The following NCBP1 variants were observed in gnomAD, a reference collection of about 807,000 sequenced individuals.
The protein encoded by NCBP1 is nuclear cap-binding protein subunit 1.
NCBP1 carries 16 observed loss-of-function variants against 111.7 expected under a neutral mutation model. The observed-to-expected ratio is 0.14, with a 90% CI of 0.10 to 0.22. NCBP1 has a LOEUF of 0.22. NCBP1 is among the 10% of genes least tolerant of loss of function. NCBP1 has a pLI of 1.00. For synonymous variants in NCBP1, 304 were observed against 314.3 expected, an observed-to-expected ratio of 0.97 and a Z score of 0.35; for missense variants, 607 against 957.5, an observed-to-expected ratio of 0.63 and a Z score of 4.83.
intron 14 of NCBP1, among the ~76,000 whole-genome samples, chr9:97,657,885 G>GCGCTCTCTCTCTCTCT (rs1554694967): frequency 4.4e-5 from 5 of 114,018 alleles, no homozygotes; most frequent in African/African-American, 1.8e-4. Context: ...GCCCCGGTAA[G>GCGCTCTCTCTCTCTCT]CTCTCTCTCT....
intron 5 of NCBP1, 46 bp from the exon 6 acceptor site, chr9:97,645,565 T>TATAATTAAAGC: frequency 1.3e-6 from 2 of 1,553,580 alleles, no homozygotes; most frequent in Non-Finnish European, 1.8e-6. Context: ...TATGAATGAA[T>TATAATTAAAGC]ATAATTAAAG....
At chr9:97,668,724 A>G in intron 20 of NCBP1, 122 bp from the exon 21 acceptor site, 1 of 1,061,610 alleles carries the variant, frequency 9.4e-7, no homozygotes, top group Non-Finnish European at 1.3e-6. Flanking sequence ...GTGGGGGGGT[A>G]CTTTCACTAT....
Position 97,657,923 on chromosome 9 carries a change from TATA to T in NCBP1, c.1374-716_1374-714del, listed in dbSNP as rs1210564456. ...CTCTCTCTCTATATATATATATATA[TATA>T]TTTTTTTTTTTTTTTTTAACGTCCC... On this transcript the variant is annotated intron_variant, in intron 14 of 22. Transcript: ENST00000375147. Among the ~76,000 whole-genome samples, 632 of 115,972 alleles carry T rather than the reference TATA, an allele frequency of 5.4e-3. 4 individuals carry two copies. The highest frequency in any genetic ancestry group is 0.02 in the African/African-American group (510 of 25,402). 76.1% of individuals were successfully genotyped at this position (115,972 alleles called of 152,430 possible).
chr9:97,653,727 T>C (rs1200830517), intron 10 of NCBP1, 71 bp from the exon 11 acceptor site: 2 of 1,113,648 alleles, frequency 1.8e-6, no homozygotes, highest in Non-Finnish European at 2.7e-6. Context: ...AGATTTAGAA[T>C]GTTAAGGTCT....
intron 6 of NCBP1, among the ~76,000 whole-genome samples, chr9:97,646,948 T>G (rs1827359509): frequency 6.6e-6 from 1 of 151,784 alleles, no homozygotes; most frequent in Non-Finnish European, 1.5e-5. Context: ...CTTGGCTTTT[T>G]TTTTTTTTCT....
rs547807455 is a variant in NCBP1, at chr9:97,667,470, C to T, written c.2016+593C>T. 4.6e-5 allele frequency among the ~76,000 whole-genome samples: 7 copies of T among 152,254 alleles called. No homozygotes were observed. In the South Asian group the frequency reaches 1.2e-3, roughly 27 times the overall value. ...AGGAACCTTTCGCAAGTTTGAGTAC[C>T]AGTCTCCATGTAGACATACCTGTAT... On this transcript the variant is annotated intron_variant, in intron 20 of 22. Transcript: ENST00000375147.
chr9:97,660,918 T>A (rs753013996), intron 15 of NCBP1, 28 bp from the exon 16 acceptor site: 8 of 1,591,030 alleles, frequency 5.0e-6, no homozygotes, highest in Non-Finnish European at 6.8e-6. Flanking sequence ...TGATCTGTCA[T>A]TCCCCTTACC....
intron 6 of NCBP1, among the ~76,000 whole-genome samples, chr9:97,646,928 C>T (rs1321814918): frequency 6.8e-6 from 1 of 147,314 alleles, no homozygotes; most frequent in Non-Finnish European, 1.5e-5. Context: ...AATATACACA[C>T]TGTTCTTCAC....
intron 20 of NCBP1, among the ~76,000 whole-genome samples, chr9:97,668,457 C>T (rs150652588): frequency 6.6e-6 from 1 of 152,300 alleles, no homozygotes; most frequent in African/African-American, 2.4e-5. Context: ...CAAGAATGAG[C>T]AGCCTTGGCC....
chr9:97,649,236 T>TA, intron 8 of NCBP1, among the ~76,000 whole-genome samples: 1 of 152,322 alleles, frequency 6.6e-6, no homozygotes, highest in South Asian at 2.1e-4. Context: ...ATTGTACTGT[T>TA]ATAATTGTAT....
chr9:97,647,386 TA>T, intron 6 of NCBP1, 105 bp from the exon 7 acceptor site: 1 of 829,956 alleles, frequency 1.2e-6, no homozygotes, highest in Non-Finnish European at 2.0e-6. Flanking sequence ...CTCCAGTAGG[TA>T]AAATGTTATT....
chr9:97,664,314 T>TTACTTGAATAATTCTCTCATTGTAGATGA, intron 18 of NCBP1, 26 bp from the exon 19 acceptor site: 1 of 1,425,048 alleles, frequency 7.0e-7, no homozygotes, highest in Non-Finnish European at 9.9e-7. Context: ...TGTGTGTGAT[T>TTACTTGAATAATTCTCTCATTGTAGATGA]TACTTGAATA....
At chr9:97,659,819 G>A (rs553282144) in intron 15 of NCBP1, among the ~76,000 whole-genome samples, 63 of 152,240 alleles carry the variant, frequency 4.1e-4, no homozygotes, top group African/African-American at 1.4e-3. Context: ...GAATAACTCC[G>A]CCTAACATTC....
chr9:97,662,416 A>T (rs1262105951), intron 17 of NCBP1, among the ~76,000 whole-genome samples: 1 of 152,206 alleles, frequency 6.6e-6, no homozygotes, highest in Non-Finnish European at 1.5e-5. Flanking sequence ...GGACAGTCAT[A>T]TGCAGTTGGA....
chr9:97,651,012 G>A (rs569712524), intron 9 of NCBP1, among the ~76,000 whole-genome samples: 1 of 151,880 alleles, frequency 6.6e-6, no homozygotes. Context: ...AATGAATATA[G>A]TATTATGAGA....
chr9:97,663,171 G>A (rs1228952788), intron 18 of NCBP1, 124 bp downstream of exon 18: 1 of 710,548 alleles, frequency 1.4e-6, no homozygotes, highest in Non-Finnish European at 2.4e-6. Flanking sequence ...ATGGTTTTTA[G>A]ATCTAATTCT....
intron 19 of NCBP1, among the ~76,000 whole-genome samples, chr9:97,666,177 A>G (rs1027901170): frequency 2.0e-5 from 3 of 152,220 alleles, no homozygotes; most frequent in African/African-American, 7.2e-5. Context: ...CACTTATGCA[A>G]CAAACATTTC....
At position 97,648,132 on chromosome 9, in the gene NCBP1, C is replaced by T; in HGVS notation, c.806C>T (p.Pro269Leu). ...TGTGAAGCACTGCAGCACAATCTGC[C>T]TCCTTTTACACCACCTCCTCACACT... ...ILCEALQHNL[P>L]PFTPPPHTED... Residue 269 changes from proline (P) to leucine (L), a missense_variant, in exon 8 of 23, where the codon CCT (proline) becomes CTT (leucine). By Grantham distance (98) the Pro-to-Leu change is moderately conservative (BLOSUM62 -3). Coordinates refer to ENST00000375147, the MANE Select transcript of NCBP1 (RefSeq NM_002486.5). 6.2e-7 allele frequency: 1 copy of T among 1,614,110 alleles called. No individual in the cohort carries two copies. Among genetic ancestry groups the T allele is most frequent in the Non-Finnish European group, 8.5e-7 (1 of 1,180,028 alleles).
At chr9:97,655,403 T>C (rs999196599) in intron 12 of NCBP1, among the ~76,000 whole-genome samples, 6 of 152,116 alleles carry the variant, frequency 3.9e-5, no homozygotes, top group Admixed American at 6.6e-5. Flanking sequence ...AATTTTTTTT[T>C]TTCTTGCTTC....
Sources: allele counts gnomAD v4.1 joint callset (sites outside exome capture counted in the v4.1 genomes callset), GRCh38; gene constraint gnomAD v4.1.1; transcripts MANE v1.5; gene names NCBI Gene and HGNC (gene_info 2026-07-23, HGNC 2026-07-21).